The following DLC1 variants were observed in gnomAD, a reference collection of about 807,000 sequenced individuals.
The protein encoded by DLC1 is rho GTPase-activating protein 7.
In DLC1, 54 loss-of-function variants were observed where a neutral mutation model predicts 140.3. That is an observed-to-expected ratio of 0.38 (90% CI 0.31 to 0.48). The LOEUF (loss-of-function observed/expected upper bound fraction) is 0.48. Ranked by LOEUF, DLC1 falls within the 20% of genes least tolerant of loss-of-function variation. The probability of loss-of-function intolerance (pLI) is 0.96; values close to 1 mark genes in which losing one functional copy is unlikely to be tolerated. For missense variants in DLC1, 2,536 were observed against 1,907.0 expected, an observed-to-expected ratio of 1.33 and a Z score of -6.14; for synonymous variants, 986 against 728.1, an observed-to-expected ratio of 1.35 and a Z score of -5.70.
intron 5 of DLC1, among the ~76,000 whole-genome samples, chr8:13,134,943 C>T (rs1822438312): frequency 6.6e-6 from 1 of 152,116 alleles, no homozygotes; most frequent in Non-Finnish European, 1.5e-5. Context: ...GGTGCAAAGG[C>T]TACAGCCTGG....
At position 13,110,819 on chromosome 8, in the gene DLC1, G is replaced by A; in HGVS notation, c.1425C>T (p.Phe475=). 6.2e-7 allele frequency: 1 copy of A among 1,613,938 alleles called. No homozygotes were observed. Among genetic ancestry groups the A allele is most frequent in the Non-Finnish European group, 8.5e-7 (1 of 1,179,970 alleles). Residue 475 remains phenylalanine, a synonymous_variant, in exon 7 of 18, where the codon TTC becomes TTT. Transcript: ENST00000276297. ...FPQYAQLYED[F]LFPIDISLVK... Reference sequence around the variant, plus strand: ...CCAAGGAAATATCGATGGGGAACAGGAAATCTATGAGAAAAATAAACAGAT... The same window carrying A: ...CCAAGGAAATATCGATGGGGAACAGAAAATCTATGAGAAAAATAAACAGAT...
chr8:13,593,080 C>T (rs1392465094), intron 1 of DLC1, among the ~76,000 whole-genome samples: 1 of 152,072 alleles, frequency 6.6e-6, no homozygotes, highest in African/African-American at 2.4e-5. Context: ...GTTCAAATTT[C>T]TTCTGAAGTT....
At chr8:13,437,352 C>T (rs953762767) in intron 2 of DLC1, among the ~76,000 whole-genome samples, 2 of 152,202 alleles carry the variant, frequency 1.3e-5, no homozygotes, top group Non-Finnish European at 2.9e-5. Context: ...ATGTTGATTT[C>T]TTCTATTCCT....
intron 17 of DLC1, 174 bp downstream of exon 17, chr8:13,086,116 C>T (rs61430919): frequency 6.8e-6 from 9 of 1,320,454 alleles, no homozygotes; most frequent in African/African-American, 6.0e-5. Flanking sequence ...AACCAAATTA[C>T]GAAGTGGTCG....
At chr8:13,457,651 T>G (rs1157221854) in intron 2 of DLC1, among the ~76,000 whole-genome samples, 2 of 115,986 alleles carry the variant, frequency 1.7e-5, no homozygotes, top group Non-Finnish European at 3.3e-5. Flanking sequence ...CACTCCAGCC[T>G]GGGTGACAGA....
Position 13,088,470 on chromosome 8 carries a change from A to G in DLC1, c.4292+17T>C, listed in dbSNP as rs1355008117. 6.2e-7 allele frequency: 1 copy of G among 1,613,722 alleles called. No individual in the cohort carries two copies. On this transcript the variant is annotated intron_variant, in intron 16 of 17. Transcript: ENST00000276297. ...GGAGTCATCCTTGTCACAAAAAAAC[A>G]ACTGGGAAGCGCTCACCTTAAAACA...
At chr8:13,197,872 ATAT>A (rs1290964533) in intron 5 of DLC1, among the ~76,000 whole-genome samples, 1 of 152,176 alleles carries the variant, frequency 6.6e-6, no homozygotes, top group Admixed American at 6.5e-5. Flanking sequence ...TGACAAGGAC[ATAT>A]TAGTTTAAAC....
intron 1 of DLC1, among the ~76,000 whole-genome samples, chr8:13,595,897 C>T (rs1490569901): frequency 6.6e-6 from 1 of 151,894 alleles, no homozygotes; most frequent in African/African-American, 2.4e-5. Context: ...TTGCACGTTA[C>T]CACATCAGAA....
intron 2 of DLC1, among the ~76,000 whole-genome samples, chr8:13,455,798 C>T (rs1017929356): frequency 4.6e-5 from 7 of 152,128 alleles, no homozygotes; most frequent in South Asian, 2.1e-4. Context: ...AGCACTTGAA[C>T]CCAGAGATTG....
chr8:13,553,230 A>ATG (rs1222073146), intron 1 of DLC1, among the ~76,000 whole-genome samples: 6 of 128,108 alleles, frequency 4.7e-5, no homozygotes, highest in African/African-American at 1.8e-4. Context: ...ATATATATGT[A>ATG]TATATATATA....
chr8:13,388,745 T>G, intron 4 of DLC1, among the ~76,000 whole-genome samples: 1 of 152,146 alleles, frequency 6.6e-6, no homozygotes, highest in South Asian at 2.1e-4. Context: ...TGTATACATA[T>G]ATATACATTC....
chr8:13,408,931 T>C (rs1837675655), intron 2 of DLC1, among the ~76,000 whole-genome samples: 1 of 152,208 alleles, frequency 6.6e-6, no homozygotes, highest in South Asian at 2.1e-4. Flanking sequence ...TTTAGGAATA[T>C]TATGATGATC....
intron 4 of DLC1, among the ~76,000 whole-genome samples, chr8:13,379,798 T>C (rs918372227): frequency 3.3e-5 from 5 of 152,218 alleles, no homozygotes; most frequent in Non-Finnish European, 5.9e-5. Context: ...ACACTTACCA[T>C]AGAATACTAT....
intron 2 of DLC1, among the ~76,000 whole-genome samples, chr8:13,466,079 A>G (rs1799920530): frequency 6.6e-6 from 1 of 152,190 alleles, no homozygotes; most frequent in Admixed American, 6.5e-5. Context: ...TAGACGGGGC[A>G]GATATACTGC....
At chr8:13,394,765 A>C (rs925372280) in intron 3 of DLC1, among the ~76,000 whole-genome samples, 5 of 152,002 alleles carry the variant, frequency 3.3e-5, no homozygotes, top group African/African-American at 1.2e-4. Flanking sequence ...TCCTCTTGAT[A>C]ATTTCTTTTA....
chr8:13,271,273 A>C (rs1423789388), intron 5 of DLC1, among the ~76,000 whole-genome samples: 1 of 152,162 alleles, frequency 6.6e-6, no homozygotes, highest in Admixed American at 6.5e-5. Context: ...GGCCTACATC[A>C]CTCATGGTTA....
intron 5 of DLC1, among the ~76,000 whole-genome samples, chr8:13,270,225 C>T (rs1351415566): frequency 1.3e-5 from 2 of 152,066 alleles, no homozygotes; most frequent in African/African-American, 2.4e-5. Context: ...TTAATATGAC[C>T]CTCCTACCAG....
chr8:13,550,048 A>T (rs997555624), intron 1 of DLC1, among the ~76,000 whole-genome samples: 4 of 152,152 alleles, frequency 2.6e-5, no homozygotes, highest in Admixed American at 2.0e-4. Flanking sequence ...CTAGTCTGAG[A>T]AACAGGCAAC....
chr8:13,257,989 A>G (rs1158408652), intron 5 of DLC1, among the ~76,000 whole-genome samples: 1 of 152,242 alleles, frequency 6.6e-6, no homozygotes, highest in Admixed American at 6.5e-5. Context: ...AATACATGTA[A>G]GTACCAACAG....
Sources: allele counts gnomAD v4.1 joint callset (sites outside exome capture counted in the v4.1 genomes callset), GRCh38; gene constraint gnomAD v4.1.1; transcripts MANE v1.5; gene names NCBI Gene and HGNC (gene_info 2026-07-23, HGNC 2026-07-21).